NRXN3: variants seen among roughly 807,000 people sequenced by gnomAD.
NRXN3 encodes neurexin III.
In NRXN3, 32 loss-of-function variants were observed where a neutral mutation model predicts 137.6. The observed-to-expected ratio is 0.23, with a 90% CI of 0.18 to 0.31. The LOEUF (loss-of-function observed/expected upper bound fraction) is 0.31. NRXN3 is among the 10% of genes least tolerant of loss of function. The pLI, the probability that NRXN3 is intolerant of heterozygous loss-of-function variation, is 1.00. For missense variants in NRXN3, 1,574 were observed against 2,062.5 expected (o/e 0.76, Z 4.59); for synonymous variants, 798 against 784.5 (o/e 1.02, Z -0.29).
chr14:78,622,893 C>G (rs748364316), intron 4 of NRXN3, among the ~76,000 whole-genome samples: 19 of 152,176 alleles, frequency 1.2e-4, no homozygotes, highest in Non-Finnish European at 2.8e-4. Flanking sequence ...ACTGATATGA[C>G]TTATTTTGCT....
intron 6 of NRXN3, among the ~76,000 whole-genome samples, chr14:78,702,477 G>C (rs7158686): frequency 0.86 from 113,700 of 132,642 alleles, 49,029 homozygotes; most frequent in South Asian, 0.91. Context: ...TGGAGTCTCA[G>C]TCTGTCACCC....
intron 14 of NRXN3, among the ~76,000 whole-genome samples, chr14:78,987,297 C>CTTAG (rs1226591572): frequency 6.6e-6 from 1 of 152,070 alleles, no homozygotes; most frequent in Non-Finnish European, 1.5e-5. Flanking sequence ...AGTTACTTTA[C>CTTAG]CTAAGTTGGA....
At chr14:79,233,053 C>G (rs1239482191) in intron 15 of NRXN3, among the ~76,000 whole-genome samples, 1 of 152,070 alleles carries the variant, frequency 6.6e-6, no homozygotes, top group Admixed American at 6.6e-5. Flanking sequence ...CTCAAAGTAC[C>G]TTCCCAAAAT....
At chr14:78,850,543 C>T (rs1483413437) in intron 10 of NRXN3, among the ~76,000 whole-genome samples, 3 of 152,052 alleles carry the variant, frequency 2.0e-5, no homozygotes, top group Non-Finnish European at 4.4e-5. Context: ...TTTAAAGTTG[C>T]TTTAGAATAT....
intron 19 of NRXN3, among the ~76,000 whole-genome samples, chr14:79,766,694 T>C (rs1320111256): frequency 6.6e-6 from 1 of 152,246 alleles, no homozygotes; most frequent in African/African-American, 2.4e-5. Context: ...TGTTAGAATT[T>C]ACATGAGTTC....
chr14:78,930,122 C>A (rs142746081), intron 10 of NRXN3, among the ~76,000 whole-genome samples: 50 of 152,226 alleles, frequency 3.3e-4, no homozygotes, highest in African/African-American at 1.1e-3. Context: ...ACTCTTTGAG[C>A]TTAACGCTCT....
intron 19 of NRXN3, among the ~76,000 whole-genome samples, chr14:79,702,083 A>G (rs572707544): frequency 2.6e-5 from 4 of 152,094 alleles, no homozygotes; most frequent in South Asian, 4.1e-4. Context: ...TGGGGGAAAT[A>G]GAGATTTGAA....
At chr14:78,346,654 C>T (rs2082774375) in intron 4 of NRXN3, among the ~76,000 whole-genome samples, 2 of 152,304 alleles carry the variant, frequency 1.3e-5, no homozygotes, top group Non-Finnish European at 2.9e-5. Flanking sequence ...CCACCTTACC[C>T]AGGGGAGCCT....
chr14:78,226,367 A>C (rs983192138), intron 1 of NRXN3, among the ~76,000 whole-genome samples: 1 of 152,120 alleles, frequency 6.6e-6, no homozygotes, highest in African/African-American at 2.4e-5. Flanking sequence ...TGTTGAATGA[A>C]ATGGAGGTTG....
chr14:78,517,921 T>G (rs2096233837), intron 4 of NRXN3, among the ~76,000 whole-genome samples: 1 of 152,184 alleles, frequency 6.6e-6, no homozygotes, highest in Admixed American at 6.5e-5. Flanking sequence ...GTATTTTCAC[T>G]CAAGAAACCA....
At chr14:79,326,123 T>C (rs2090824204) in intron 15 of NRXN3, among the ~76,000 whole-genome samples, 1 of 152,190 alleles carries the variant, frequency 6.6e-6, no homozygotes, top group Non-Finnish European at 1.5e-5. Context: ...TAACATTTGC[T>C]TAGTATTTGT....
At chr14:79,335,009 C>A (rs1339266119) in intron 15 of NRXN3, among the ~76,000 whole-genome samples, 2 of 152,058 alleles carry the variant, frequency 1.3e-5, no homozygotes, top group Admixed American at 1.3e-4. Context: ...GCCTGGCAGA[C>A]AATTATTGGG....
chr14:79,806,073 C>G (rs1453915373), intron 20 of NRXN3, among the ~76,000 whole-genome samples: 4 of 152,092 alleles, frequency 2.6e-5, no homozygotes, highest in African/African-American at 4.8e-5. Context: ...TAATAGAGAA[C>G]AGATATCATC....
intron 4 of NRXN3, among the ~76,000 whole-genome samples, chr14:78,545,492 C>T (rs1414184315): frequency 1.3e-5 from 2 of 152,070 alleles, no homozygotes; most frequent in African/African-American, 4.8e-5. Flanking sequence ...AGTATAAATC[C>T]TGGCACATTT....
At chr14:79,091,256 G>T (rs928798145) in intron 15 of NRXN3, among the ~76,000 whole-genome samples, 2 of 152,054 alleles carry the variant, frequency 1.3e-5, no homozygotes, top group African/African-American at 4.8e-5. Flanking sequence ...CCATGGAAAA[G>T]GCTGAAGAAA....
chr14:78,973,583 T>A (rs1567867304), intron 14 of NRXN3, among the ~76,000 whole-genome samples: 1 of 152,200 alleles, frequency 6.6e-6, no homozygotes, highest in Non-Finnish European at 1.5e-5. Flanking sequence ...GAAGATGATC[T>A]GTCATTTTAA....
chr14:78,358,618 T>A (rs1165453526), intron 4 of NRXN3, among the ~76,000 whole-genome samples: 1 of 152,220 alleles, frequency 6.6e-6, no homozygotes, highest in African/African-American at 2.4e-5. Flanking sequence ...TCTTAGTGGC[T>A]GCATTTGTGG....
chr14:78,640,133 G>A (rs1256064595), intron 4 of NRXN3, among the ~76,000 whole-genome samples: 1 of 152,072 alleles, frequency 6.6e-6, no homozygotes, highest in East Asian at 1.9e-4. Context: ...TCTCTGGCTT[G>A]CTGTGCCTCT....
At chr14:79,487,740 T>A (rs769072402) in intron 16 of NRXN3, among the ~76,000 whole-genome samples, 1 of 152,152 alleles carries the variant, frequency 6.6e-6, no homozygotes, top group Admixed American at 6.5e-5. Context: ...TGCACCTCAC[T>A]AGCTTTTCCC....
Sources: gnomAD v4.1 joint callset for allele counts (sites outside exome capture counted in the v4.1 genomes callset) on GRCh38, gnomAD v4.1.1 for gene constraint, MANE v1.5 for transcripts, NCBI Gene and HGNC (gene_info 2026-07-23, HGNC 2026-07-21) for gene names.